The following RIF1 variants were observed in gnomAD, a reference collection of about 807,000 sequenced individuals.
RIF1 encodes the protein telomere-associated protein RIF1.
In RIF1, 45 loss-of-function variants were observed where a neutral mutation model predicts 247.1. That is an observed-to-expected ratio of 0.18 (90% CI 0.14 to 0.23). The LOEUF (loss-of-function observed/expected upper bound fraction) is 0.23, where lower values mean the gene tolerates loss of function less well. Ranked by LOEUF, RIF1 falls within the 10% of genes least tolerant of loss-of-function variation. The pLI is 1.00. For synonymous variants in RIF1, 1,087 were observed against 978.8 expected (o/e 1.11, Z -2.06); for missense variants, 2,967 against 2,862.5 (o/e 1.04, Z -0.83).
chr2:151,503,026 T>C (rs2065917205), intron 11 of RIF1: 6 of 610,348 alleles, frequency 9.8e-6, no homozygotes, highest in Non-Finnish European at 1.7e-5. Context: ...TTTTTACTTT[T>C]TTCACAGTTT....
chr2:151,443,436 T>C (rs1692715500), intron 17 of RIF1, 93 bp from the exon 18 acceptor site: 1 of 1,376,196 alleles, frequency 7.3e-7, no homozygotes, highest in Non-Finnish European at 9.9e-7. Flanking sequence ...AAAAATTCGT[T>C]AACTTTTTGT....
chr2:151,416,954 G>A, intron 6 of RIF1, 53 bp downstream of exon 6: 1 of 1,386,424 alleles, frequency 7.2e-7, no homozygotes, highest in Non-Finnish European at 1.0e-6. Flanking sequence ...AAATTTAGCT[G>A]AAGGAGAGGG....
chr2:151,471,510 A>G (rs1559032843), intron 34 of RIF1, among the ~76,000 whole-genome samples: 1 of 152,202 alleles, frequency 6.6e-6, no homozygotes, highest in Non-Finnish European at 1.5e-5. Flanking sequence ...TAGGTCTTAC[A>G]GTTAAATCTT....
chr2:151,493,354 G>C, intron 9 of RIF1: 4 of 1,606,208 alleles, frequency 2.5e-6, no homozygotes, highest in Non-Finnish European at 3.4e-6. Context: ...AGAAAATACC[G>C]AGCTAATGTT....
At position 151,464,069 on chromosome 2, in the gene RIF1, G is replaced by C; in HGVS notation, c.4549G>C (p.Gly1517Arg). 6.2e-7 allele frequency: 1 copy of C among 1,613,072 alleles called. No individual in the cohort carries two copies. The highest frequency in any genetic ancestry group is 8.5e-7 in the Non-Finnish European group (1 of 1,179,782). Residue 1517 changes from glycine to arginine, a missense_variant, in exon 30 of 36, where the codon GGT (glycine) becomes CGT (arginine). This residue lies in a region of RIF1 where 2,028 missense variants were observed against 1,825.6 expected (regional missense o/e 1.11). Coordinates refer to ENST00000444746, the MANE Select transcript of RIF1 (RefSeq NM_018151.5). Reference sequence around the variant, plus strand: ...TGAGAACATTAAGTCTGAGGGGGATGGTACCCAGGACATTGTAGATAAGTC... The same window carrying C: ...TGAGAACATTAAGTCTGAGGGGGATCGTACCCAGGACATTGTAGATAAGTC... ...DPENIKSEGD[G>R]TQDIVDKSSE...
At position 151,463,796 on chromosome 2, in the gene RIF1, G is replaced by C. The variant is rs1463942777; in HGVS notation, c.4276G>C (p.Glu1426Gln). 1.1e-5 allele frequency: 17 copies of C among 1,613,346 alleles called. No homozygotes were observed. Among genetic ancestry groups the C allele is most frequent in the African/African-American group, 2.7e-5 (2 of 74,852 alleles). ...RSSRRRSEVV[E>Q]STTESQDKEN... ...TTCAAGGCGACGTTCAGAAGTAGTA[G>C]AGTCTACCACTGAAAGCCAAGATAA... The change falls in exon 30 of 36, where the codon GAG (glutamate) becomes CAG (glutamine). Residue 1426 changes from glutamate (E) to glutamine (Q), a missense_variant. This residue lies in a region of RIF1 where 2,028 missense variants were observed against 1,825.6 expected (regional missense o/e 1.11). Transcript: ENST00000444746.
Position 151,411,248 on chromosome 2 carries a change from C to A in RIF1, c.105-12C>A. 1 of 1,534,712 alleles carries A rather than the reference C, an allele frequency of 6.5e-7. No individual in the cohort carries two copies. The highest frequency in any genetic ancestry group is 8.9e-7 in the Non-Finnish European group (1 of 1,127,352). ...TCAACTACTTAAACTTGTGTTCTTC[C>A]TGCTTTTTAAGTCGTATGACTGGAG... is the stretch of plus-strand genomic sequence containing the variant. On this transcript the variant is annotated splice_polypyrimidine_tract_variant and intron_variant, in intron 2 of 35. Coordinates refer to ENST00000444746, the MANE Select transcript of RIF1 (RefSeq NM_018151.5).
intron 30 of RIF1, among the ~76,000 whole-genome samples, chr2:151,466,497 G>T (rs938767177): frequency 4.6e-5 from 7 of 151,878 alleles, no homozygotes; most frequent in African/African-American, 1.7e-4. Context: ...TTGTGTGTTG[G>T]AACATTATGC....
downstream of RIF1, among the ~76,000 whole-genome samples, chr2:151,511,582 A>G (rs556111600): frequency 2.6e-5 from 4 of 152,338 alleles, no homozygotes; most frequent in African/African-American, 7.2e-5. Flanking sequence ...CAGCTAGGGC[A>G]CGTTAACTAT....
intron 34 of RIF1, among the ~76,000 whole-genome samples, chr2:151,473,613 ATATTT>A (rs1415750909): frequency 1.3e-5 from 2 of 152,048 alleles, no homozygotes; most frequent in South Asian, 2.1e-4. Flanking sequence ...AAAAAATTCT[ATATTT>A]TATTTAAGCT....
the RIF1 span, chr2:151,516,644 A>ACAGAACATATCAAT: frequency 1.1e-6 from 1 of 916,646 alleles, no homozygotes; most frequent in Non-Finnish European, 1.8e-6. Flanking sequence ...TTTTTAATTG[A>ACAGAACATATCAAT]TATGTTCTGT....
intron 27 of RIF1, 41 bp from the exon 28 acceptor site, chr2:151,462,198 ATAT>A: frequency 7.7e-7 from 1 of 1,290,936 alleles, no homozygotes. Flanking sequence ...AATTGTAAGA[ATAT>A]CATCCGGTTT....
chr2:151,446,570 T>G lies in RIF1; in HGVS notation c.2239T>G (p.Phe747Val). 6.2e-7 allele frequency: 1 copy of G among 1,612,128 alleles called. No homozygotes were observed. The highest frequency in any genetic ancestry group is 8.5e-7 in the Non-Finnish European group (1 of 1,179,666). The change falls in exon 20 of 36, where the codon TTT becomes GTT. Residue 747 changes from phenylalanine to valine, a missense_variant. This residue lies in a region of RIF1 where 2,028 missense variants were observed against 1,825.6 expected (regional missense o/e 1.11). Coordinates refer to ENST00000444746, the MANE Select transcript of RIF1 (RefSeq NM_018151.5). Reference sequence around the variant, plus strand: ...AATGTCCAGTTTGGAAGATGAAGGCTTTTCTGTGAGTTTGTCCTGATGCTA... The same window carrying G: ...AATGTCCAGTTTGGAAGATGAAGGCGTTTCTGTGAGTTTGTCCTGATGCTA... ...KIMSSLEDEG[F>V]SNLLFVDRII...
rs140419221 is a variant in RIF1, at chr2:151,419,542, T to C, written c.504-648T>C. ...GGTTTCACCATGTTGGTCAGGATGG[T>C]CTCGATCTCCTGACCTCATGATCCA... On this transcript the variant is annotated intron_variant, in intron 6 of 35. Transcript: ENST00000444746. 2.3e-3 allele frequency among the ~76,000 whole-genome samples: 349 copies of C among 152,208 alleles called. 9 individuals carry two copies. The East Asian group carries it at 0.046, about 20-fold the overall frequency.
intron 11 of RIF1, chr2:151,501,547 TA>T (rs1013651230): frequency 6.8e-6 from 6 of 877,598 alleles, no homozygotes; most frequent in Non-Finnish European, 9.7e-6. Flanking sequence ...AGACTTAACC[TA>T]AAAAAACAGC....
At chr2:151,474,717 T>G (rs1471895293) in intron 35 of RIF1, 140 bp from the exon 36 acceptor site, 1 of 621,792 alleles carries the variant, frequency 1.6e-6, no homozygotes, top group Middle Eastern at 4.3e-4. Context: ...GTAGATTTTT[T>G]TGTGTGCTTG....
At chr2:151,508,065 C>G (rs748315043), downstream of RIF1, 1 of 1,611,050 alleles carries the variant, frequency 6.2e-7, no homozygotes. Flanking sequence ...CCAAAACAGT[C>G]TCATAATACG....
At chr2:151,498,959 G>A (rs1051381423) in intron 10 of RIF1, among the ~76,000 whole-genome samples, 2 of 151,948 alleles carry the variant, frequency 1.3e-5, no homozygotes, top group Admixed American at 6.6e-5. Flanking sequence ...AATAAGAAAC[G>A]AGGATAATAG....
At chr2:151,518,386 G>C in the RIF1 span, 6 of 1,611,906 alleles carry the variant, frequency 3.7e-6, no homozygotes, top group Admixed American at 1.0e-4. Flanking sequence ...GTGTGGTAGT[G>C]GCCTTTACTC....
Sources: allele counts gnomAD v4.1 joint callset (sites outside exome capture counted in the v4.1 genomes callset), GRCh38; gene constraint gnomAD v4.1.1; regional missense constraint gnomAD v4.1.1; transcripts MANE v1.5; gene names NCBI Gene and HGNC (gene_info 2026-07-23, HGNC 2026-07-21).